Variants in HAUS1 observed in about 807,000 individuals in gnomAD.
HAUS1 encodes the protein HAUS augmin like complex subunit 1.
A neutral mutation model predicts 38.6 loss-of-function variants in HAUS1; 25 were observed. That is an observed-to-expected ratio of 0.65 (90% CI 0.47 to 0.91). HAUS1 has a LOEUF of 0.91. HAUS1 is among the 40% of genes least tolerant of loss of function. The pLI, the probability that HAUS1 is intolerant of heterozygous loss-of-function variation, is 0.00. For missense variants in HAUS1, 325 were observed against 328.4 expected (o/e 0.99, Z 0.08); for synonymous variants, 109 against 112.9 (o/e 0.97, Z 0.22).
Position 46,128,055 on chromosome 18 carries a change from G to GT in HAUS1, c.787-19dup. ...CATCTGTTTTATGTCCTTATCTATG[G>GT]TATGTCTTTCTTCCTGTAGGATAGC... On this transcript the variant is annotated intron_variant, in intron 8 of 8. Transcript: ENST00000282058. 3 of 1,479,102 alleles carry GT rather than the reference G, an allele frequency of 2.0e-6. No homozygotes were observed. Among genetic ancestry groups the GT allele is most frequent in the Non-Finnish European group, 2.8e-6 (3 of 1,087,832 alleles). The allele number at this position is 1,479,102 out of a possible 1,614,324, so 91.6% of individuals were successfully genotyped here.
intron 3 of HAUS1, 108 bp downstream of exon 3, chr18:46,118,424 G>A (rs1450967259): frequency 1.1e-5 from 11 of 1,023,158 alleles, no homozygotes; most frequent in Middle Eastern, 2.9e-4. Flanking sequence ...TAAATACAAA[G>A]CACTGAATTT....
At chr18:46,115,585 G>A (rs1911777821) in intron 2 of HAUS1, among the ~76,000 whole-genome samples, 1 of 151,754 alleles carries the variant, frequency 6.6e-6, no homozygotes, top group South Asian at 2.1e-4. Context: ...CCAATATCGT[G>A]CCACTGCACT....
intron 8 of HAUS1, among the ~76,000 whole-genome samples, chr18:46,126,232 G>A (rs746839462): frequency 1.3e-5 from 2 of 152,060 alleles, no homozygotes; most frequent in Admixed American, 6.6e-5. Flanking sequence ...CTGAGATCAC[G>A]CCACTGCACT....
chr18:46,105,081 C>T, intron 1 of HAUS1, 113 bp from the exon 2 acceptor site: 1 of 691,062 alleles, frequency 1.4e-6, no homozygotes, highest in Non-Finnish European at 2.3e-6. Flanking sequence ...AGTAGGACTC[C>T]AAAATAGTCA....
chr18:46,116,015 A>C (rs1911787546), intron 2 of HAUS1, among the ~76,000 whole-genome samples: 1 of 151,596 alleles, frequency 6.6e-6, no homozygotes, highest in Non-Finnish European at 1.5e-5. Context: ...CTGAGGCATG[A>C]GAATCACTTG....
rs750831709 is a variant in HAUS1, at chr18:46,105,365, GA to G, written c.204del (p.Ala69ProfsTer12). ...GCAGAAAGCAAGTGAATACGAGTCA[GA>G]AGGTGAGATTAAGTCCAGAGTTTTG... ...LKQKASEYES[E>X]AKYLQDLLME... On this transcript the variant is annotated frameshift_variant and splice_region_variant, in exon 2 of 9. Coordinates refer to ENST00000282058, the MANE Select transcript of HAUS1 (RefSeq NM_138443.4). LOFTEE classifies it high-confidence loss of function. The G allele has an allele frequency of 5.6e-5, 90 of 1,610,640 alleles. No homozygotes were observed. Among genetic ancestry groups the G allele is most frequent in the Non-Finnish European group, 7.2e-5 (85 of 1,178,262 alleles).
At chr18:46,125,852 TAA>T (rs2144267077) in intron 8 of HAUS1, 61 bp downstream of exon 8, 1 of 1,032,840 alleles carries the variant, frequency 9.7e-7, no homozygotes, top group Admixed American at 2.0e-5. Context: ...CTAATATAGC[TAA>T]AGTCTTCTTC....
At position 46,104,420 on chromosome 18, in the gene HAUS1, G is replaced by T. The variant is rs928470117; in HGVS notation, c.9G>T (p.Pro3=). Reference sequence around the variant, plus strand: ...TGGCGGGAGCCGCAGCTATGGAGCCGCAGGAGGAGAGAGAAACGCAGGTGA... The same window carrying T: ...TGGCGGGAGCCGCAGCTATGGAGCCTCAGGAGGAGAGAGAAACGCAGGTGA... ME[P]QEERETQVAA... is the part of the protein sequence containing the mutation. The change falls in exon 1 of 9, where the codon CCG becomes CCT. Residue 3 remains proline, a synonymous_variant. Coordinates refer to ENST00000282058, the MANE Select transcript of HAUS1 (RefSeq NM_138443.4). 3 of 1,461,870 alleles carry T rather than the reference G, an allele frequency of 2.1e-6. No individual in the cohort carries two copies. The highest frequency in any genetic ancestry group is 2.4e-5 in the Admixed American group (1 of 42,264). 90.6% of individuals were successfully genotyped at this position (1,461,870 alleles called of 1,614,324 possible).
At chr18:46,105,917 A>G (rs935598787) in intron 2 of HAUS1, among the ~76,000 whole-genome samples, 1 of 152,168 alleles carries the variant, frequency 6.6e-6, no homozygotes, top group African/African-American at 2.4e-5. Context: ...TTATTATACT[A>G]AATATCTTAT....
Position 46,124,847 on chromosome 18 carries a change from CTA to C in HAUS1, c.695_696del (p.Ile232ThrfsTer24). On this transcript the variant is annotated frameshift_variant, in exon 7 of 9. Transcript: ENST00000282058. LOFTEE classifies it high-confidence loss of function. ...AAACTGGCAAGATTAAAGCAACAGACTATACCTTTGAAGAAAAAATTGGAGTC... is the reference window on the plus strand; with the variant it reads ...AAACTGGCAAGATTAAAGCAACAGACTACCTTTGAAGAAAAAATTGGAGTC... The C allele has an allele frequency of 6.2e-7, 1 of 1,606,576 alleles. No homozygotes were observed. The highest frequency in any genetic ancestry group is 1.1e-5 in the South Asian group (1 of 90,616).
intron 2 of HAUS1, among the ~76,000 whole-genome samples, chr18:46,117,417 G>A (rs1200484767): frequency 1.3e-5 from 2 of 152,210 alleles, no homozygotes; most frequent in Non-Finnish European, 2.9e-5. Context: ...TGTGAGAGAA[G>A]CTAGTCGCAA....
chr18:46,107,549 GT>G (rs1482709376), intron 2 of HAUS1, among the ~76,000 whole-genome samples: 7 of 152,092 alleles, frequency 4.6e-5, no homozygotes, highest in African/African-American at 1.7e-4. Flanking sequence ...TCTTTTCTAA[GT>G]TTTTCCTTCT....
intron 2 of HAUS1, among the ~76,000 whole-genome samples, 197 bp downstream of exon 2, chr18:46,105,565 TGTGTGTG>T: frequency 6.7e-6 from 1 of 149,748 alleles, no homozygotes; most frequent in South Asian, 2.1e-4. Flanking sequence ...TGTGTGTGTG[TGTGTGTG>T]TGTGTGTGTG....
intron 2 of HAUS1, among the ~76,000 whole-genome samples, chr18:46,107,701 C>T (rs1429758654): frequency 6.6e-5 from 10 of 152,272 alleles, no homozygotes; most frequent in East Asian, 5.8e-4. Flanking sequence ...ATCTATAGCT[C>T]GCTGGACTTG....
rs768930011 is a variant in HAUS1 at position 46,118,221 on chromosome 18, T to A, written c.246T>A (p.Phe82Leu). 3 of 1,612,254 alleles carry A rather than the reference T, an allele frequency of 1.9e-6. No individual in the cohort carries two copies. Among genetic ancestry groups the A allele is most frequent in the Non-Finnish European group, 2.5e-6 (3 of 1,179,882 alleles). The stretch of plus-strand genomic sequence containing the variant: ...ACCTTCTCATGGAGAGTGTGAATTT[T>A]TCCCCCGCCAATCTCTCTAGCACTG... ...LQDLLMESVN[F>L]SPANLSSTGS... Residue 82 changes from phenylalanine (F) to leucine (L), a missense_variant, in exon 3 of 9, where the codon TTT becomes TTA. Physicochemically the swap from Phe to Leu is conservative, Grantham distance 22. Transcript: ENST00000282058.
chr18:46,112,943 T>TATATAATATATATAATGTGTATATATTCC (rs1911691825), intron 2 of HAUS1, among the ~76,000 whole-genome samples: 1 of 112,746 alleles, frequency 8.9e-6, no homozygotes, highest in Non-Finnish European at 1.6e-5. Flanking sequence ...CCATATAATA[T>TATATAATATATATAATGTGTATATATTCC]ATATAATATA....
intron 5 of HAUS1, 62 bp from the exon 6 acceptor site, chr18:46,123,237 A>G: frequency 8.8e-7 from 1 of 1,133,478 alleles, no homozygotes; most frequent in Non-Finnish European, 1.3e-6. Context: ...AAAGAAAAAT[A>G]TTTGATGGTG....
intron 4 of HAUS1, among the ~76,000 whole-genome samples, chr18:46,121,316 A>C (rs1002772331): frequency 2.0e-5 from 3 of 151,918 alleles, no homozygotes; most frequent in Non-Finnish European, 4.4e-5. Context: ...CAGCCTTTCA[A>C]GTAGCTGGGA....
chr18:46,110,924 T>C lies in HAUS1; in HGVS notation c.205+5556T>C, dbSNP rs113477487. ...TTTTTTGAGACGGAGTTGCCCAGGC[T>C]GGAGTGCAGTGGCGCATTCTCGGCT... is the stretch of plus-strand genomic sequence containing the variant. On this transcript the variant is annotated intron_variant, in intron 2 of 8. Coordinates refer to ENST00000282058, the MANE Select transcript of HAUS1 (RefSeq NM_138443.4). 6.0e-3 allele frequency among the ~76,000 whole-genome samples: 859 copies of C among 143,564 alleles called. 17 individuals are homozygous for C. Among genetic ancestry groups the C allele is most frequent in the Admixed American group, 0.035 (479 of 13,548 alleles). The allele number at this position is 143,564 out of a possible 152,430, so 94.2% of individuals were successfully genotyped here.
Sources: gnomAD v4.1 joint callset for allele counts (sites outside exome capture counted in the v4.1 genomes callset) on GRCh38, gnomAD v4.1.1 for gene constraint, MANE v1.5 for transcripts, NCBI Gene and HGNC (gene_info 2026-07-23, HGNC 2026-07-21) for gene names.